The following EHF variants were observed in gnomAD, a reference collection of about 807,000 sequenced individuals.
EHF encodes ETS homologous factor.
In EHF, 14 loss-of-function variants were observed where a neutral mutation model predicts 45.1. That is an observed-to-expected ratio of 0.31 (90% CI 0.21 to 0.49). The LOEUF (loss-of-function observed/expected upper bound fraction) is 0.49. Among genes scored for constraint, EHF ranks in the 20% least tolerant of loss-of-function variants. The pLI is 0.99. For synonymous variants in EHF, 136 were observed against 131.8 expected, an observed-to-expected ratio of 1.03 and a Z score of -0.22; for missense variants, 282 against 371.4, an observed-to-expected ratio of 0.76 and a Z score of 1.98.
intron 1 of EHF, among the ~76,000 whole-genome samples, chr11:34,625,145 T>G (rs747305335): frequency 6.6e-6 from 1 of 152,118 alleles, no homozygotes; most frequent in Non-Finnish European, 1.5e-5. Context: ...TTAAATGGAT[T>G]CTTTAGGGCC....
chr11:34,621,523 C>T (rs951401678), intron 1 of EHF, among the ~76,000 whole-genome samples: 1 of 152,182 alleles, frequency 6.6e-6, no homozygotes, highest in South Asian at 2.1e-4. Flanking sequence ...CAAAACCATT[C>T]CCCTGGGTTG....
intron 4 of EHF, among the ~76,000 whole-genome samples, chr11:34,650,328 C>G (rs918226947): frequency 6.6e-6 from 1 of 152,184 alleles, no homozygotes; most frequent in Non-Finnish European, 1.5e-5. Flanking sequence ...ACCCCCATAC[C>G]TCTTTGGTTC....
chr11:34,649,541 G>A (rs149338924), intron 4 of EHF, among the ~76,000 whole-genome samples: 1 of 152,288 alleles, frequency 6.6e-6, no homozygotes, highest in Non-Finnish European at 1.5e-5. Flanking sequence ...CAAATTTTTA[G>A]GGGCCCTGGG....
intron 1 of EHF, among the ~76,000 whole-genome samples, chr11:34,641,332 T>C (rs73446838): frequency 0.024 from 3,582 of 152,268 alleles, 164 homozygotes; most frequent in African/African-American, 0.082. Context: ...GCCCAGCCCA[T>C]TATTGGGCTG....
intron 1 of EHF, among the ~76,000 whole-genome samples, chr11:34,629,261 A>G (rs1852658520): frequency 6.6e-6 from 1 of 151,956 alleles, no homozygotes; most frequent in Non-Finnish European, 1.5e-5. Flanking sequence ...CCCTTGAAAA[A>G]CCTTTCTGGT....
chr11:34,658,656 C>T lies in EHF; in HGVS notation c.731C>T (p.Ala244Val). Residue 244 changes from alanine to valine, a missense_variant, in exon 8 of 9, where the codon GCA becomes GTA. Transcript: ENST00000257831. ...EGVFRFLKSE[A>V]VAQLWGKKKN... The stretch of plus-strand genomic sequence containing the variant: ...GTCTTCAGGTTCTTGAAATCAGAGG[C>T]AGTGGCTCAGCTATGGGGTAAAAAG... The T allele has an allele frequency of 6.2e-7, 1 of 1,613,784 alleles. No individual in the cohort carries two copies. The highest frequency in any genetic ancestry group is 8.5e-7 in the Non-Finnish European group (1 of 1,179,810).
chr11:34,637,881 C>A (rs1853598101), intron 1 of EHF, among the ~76,000 whole-genome samples: 2 of 150,484 alleles, frequency 1.3e-5, no homozygotes, highest in Admixed American at 6.7e-5. Context: ...TCAGGATAAT[C>A]TACATTTCAT....
At chr11:34,658,773 A>G in intron 8 of EHF, 45 bp downstream of exon 8, 2 of 1,607,530 alleles carry the variant, frequency 1.2e-6, no homozygotes, top group Non-Finnish European at 1.7e-6. Context: ...TGTACGACCC[A>G]TTATTTACCT....
Position 34,658,821 on chromosome 11 carries a change from C to G in EHF, c.804-11C>G. 6.2e-7 allele frequency: 1 copy of G among 1,610,426 alleles called. No homozygotes were observed. Among genetic ancestry groups the G allele is most frequent in the Non-Finnish European group, 8.5e-7 (1 of 1,178,534 alleles). ...CGGATCAGTCACCTTATGCAATCTC[C>G]TTTGTTACAGATATTACTACAAAAG... On this transcript the variant is annotated splice_polypyrimidine_tract_variant and intron_variant, in intron 8 of 8. Transcript: ENST00000257831.
Position 34,662,016 on chromosome 11 carries a change from A to G in EHF, c.*3085A>G, listed in dbSNP as rs1856115068. Among the ~76,000 whole-genome samples the G allele has an allele frequency of 6.6e-6, 1 of 152,106 alleles. No homozygotes were observed. Among genetic ancestry groups the G allele is most frequent in the Admixed American group, 6.6e-5 (1 of 15,238 alleles). ...AGTTTCTTGAATGTGCCATCTGAGA[A>G]GGGAGACCCAGGTTGTGAGTTTTCC... is the stretch of plus-strand genomic sequence containing the variant. On this transcript the variant is annotated 3_prime_UTR_variant, in exon 9 of 9. Transcript: ENST00000257831.
At chr11:34,630,419 G>A (rs959493520) in intron 1 of EHF, among the ~76,000 whole-genome samples, 24 of 152,160 alleles carry the variant, frequency 1.6e-4, no homozygotes, top group Non-Finnish European at 2.2e-4. Context: ...TCTATTTCTA[G>A]CACAATTTAA....
chr11:34,650,969 C>A (rs1855098887), intron 4 of EHF, among the ~76,000 whole-genome samples: 2 of 152,058 alleles, frequency 1.3e-5, no homozygotes, highest in Non-Finnish European at 2.9e-5. Flanking sequence ...AATTTTATGT[C>A]ATCCTTTAAG....
Position 34,649,040 on chromosome 11 carries a change from T to A in EHF, c.365T>A (p.Phe122Tyr). 1 of 1,614,056 alleles carries A rather than the reference T, an allele frequency of 6.2e-7. No homozygotes were observed. The highest frequency in any genetic ancestry group is 8.5e-7 in the Non-Finnish European group (1 of 1,179,924). The stretch of plus-strand genomic sequence containing the variant: ...ACAGGCCAGTGCAGTAGTGACCTGT[T>A]CCAGTCCACACACAATGTCATTGTC... ...KWNGQCSSDL[F>Y]QSTHNVIVKT... is the part of the protein sequence containing the mutation. Residue 122 changes from phenylalanine (F) to tyrosine (Y), a missense_variant, in exon 4 of 9, where the codon TTC becomes TAC. By Grantham distance (22) the Phe-to-Tyr change is conservative. Around this residue, in one of 3 missense-constraint regions of EHF, gnomAD observed 213 missense variants for 247.3 expected, o/e 0.86. Transcript: ENST00000257831.
At chr11:34,655,168 C>G (rs1855543776) in intron 6 of EHF, among the ~76,000 whole-genome samples, 1 of 152,154 alleles carries the variant, frequency 6.6e-6, no homozygotes, top group East Asian at 1.9e-4. Context: ...CAGGTGCAGG[C>G]CCTGCTAGTG....
At chr11:34,656,783 C>T in intron 6 of EHF, 125 bp from the exon 7 acceptor site, 2 of 1,041,090 alleles carry the variant, frequency 1.9e-6, no homozygotes, top group Middle Eastern at 2.1e-4. Flanking sequence ...TTCACTAGCA[C>T]ATACTCAAAG....
intron 1 of EHF, among the ~76,000 whole-genome samples, chr11:34,628,888 T>A (rs540424791): frequency 7.2e-5 from 11 of 152,320 alleles, no homozygotes; most frequent in South Asian, 4.1e-4. Context: ...TTAGAAAGGT[T>A]CCATGTTTGG....
chr11:34,643,376 C>A (rs1051041971), intron 2 of EHF, among the ~76,000 whole-genome samples: 2 of 152,126 alleles, frequency 1.3e-5, no homozygotes, highest in African/African-American at 4.8e-5. Flanking sequence ...GAATCGGGAA[C>A]CCCATACCCC....
At chr11:34,637,472 C>T (rs1565029608) in intron 1 of EHF, among the ~76,000 whole-genome samples, 2 of 152,194 alleles carry the variant, frequency 1.3e-5, no homozygotes, top group African/African-American at 2.4e-5. Flanking sequence ...GCCTATCTCC[C>T]GCCATGTCTC....
intron 6 of EHF, among the ~76,000 whole-genome samples, chr11:34,655,356 T>C (rs2134214662): frequency 6.6e-6 from 1 of 152,306 alleles, no homozygotes; most frequent in Middle Eastern, 3.4e-3. Flanking sequence ...AAATATAGAA[T>C]TGTCAGATTG....
Sources: allele counts gnomAD v4.1 joint callset (sites outside exome capture counted in the v4.1 genomes callset), GRCh38; gene constraint gnomAD v4.1.1; regional missense constraint gnomAD v4.1.1; transcripts MANE v1.5; gene names NCBI Gene and HGNC (gene_info 2026-07-23, HGNC 2026-07-21).